Variants in MALRD1 observed in about 807,000 individuals in gnomAD.
The protein encoded by MALRD1 is MAM and LDL-receptor class A domain-containing protein 1.
Under a neutral mutation model 242.1 loss-of-function variants are expected in MALRD1, and 247 were observed. That is an observed-to-expected ratio of 1.02 (90% confidence interval 0.92 to 1.13). The LOEUF (loss-of-function observed/expected upper bound fraction) is 1.13. MALRD1 is among the 50% of genes most tolerant of loss of function. The pLI is 0.00. For synonymous variants in MALRD1, 995 were observed against 866.6 expected, an observed-to-expected ratio of 1.15 and a Z score of -2.60; for missense variants, 2,989 against 2,533.1, an observed-to-expected ratio of 1.18 and a Z score of -3.86.
intron 38 of MALRD1, among the ~76,000 whole-genome samples, chr10:19,713,374 G>A (rs1030326952): frequency 2.0e-5 from 3 of 152,184 alleles, no homozygotes; most frequent in African/African-American, 7.2e-5. Flanking sequence ...GAGTAGCTCT[G>A]TGGTAGGGGA....
At chr10:19,087,387 T>A (rs2358304) in intron 2 of MALRD1, among the ~76,000 whole-genome samples, 38,240 of 151,864 alleles carry the variant, frequency 0.25, 5,584 homozygotes, top group African/African-American at 0.4. Context: ...CATAAGGAAG[T>A]AAAAATATCA....
chr10:19,562,703 A>G (rs902148346), intron 32 of MALRD1, among the ~76,000 whole-genome samples: 3 of 152,130 alleles, frequency 2.0e-5, no homozygotes, highest in Non-Finnish European at 4.4e-5. Flanking sequence ...ACCAGTTTGC[A>G]CAGCAGAAGG....
chr10:19,280,114 C>A lies in MALRD1; in HGVS notation c.3147C>A (p.Asn1049Lys). 1.9e-6 allele frequency: 3 copies of A among 1,545,264 alleles called. No individual in the cohort carries two copies. The highest frequency in any genetic ancestry group is 2.6e-6 in the Non-Finnish European group (3 of 1,145,092). Residue 1049 changes from asparagine to lysine, a missense_variant, in exon 20 of 40, where the codon AAC (asparagine) becomes AAA (lysine). By Grantham distance (94) the Asn-to-Lys change is moderately conservative. Coordinates refer to ENST00000454679, the MANE Select transcript of MALRD1 (RefSeq NM_001142308.3). ...TSVPVTLPPH[N>K]CTDNEFICRS... Reference sequence around the variant, plus strand: ...TTCCTGTAACATTACCTCCACACAACTGCACAGACAATGAATTTATCTGCA... The same window carrying A: ...TTCCTGTAACATTACCTCCACACAAATGCACAGACAATGAATTTATCTGCA...
rs138868970 is a variant in MALRD1, at chr10:19,496,130, C to T, written c.5159-2355C>T. ...CCCAAACAATAATAGTGGAAGACTT[C>T]AACACCCCACTGACAGTATTAGACA... On this transcript the variant is annotated intron_variant, in intron 30 of 39. Transcript: ENST00000454679. 2.4e-3 allele frequency among the ~76,000 whole-genome samples: 360 copies of T among 152,200 alleles called. 6 individuals are homozygous for T. The East Asian group carries it at 0.049, about 21-fold the overall frequency.
intron 38 of MALRD1, among the ~76,000 whole-genome samples, chr10:19,725,225 A>G (rs1834965978): frequency 6.6e-6 from 1 of 152,112 alleles, no homozygotes; most frequent in African/African-American, 2.4e-5. Context: ...AATCCCCACA[A>G]GCCGTGGGAG....
chr10:19,634,093 G>A (rs1378245700), intron 36 of MALRD1, among the ~76,000 whole-genome samples: 1 of 151,780 alleles, frequency 6.6e-6, no homozygotes, highest in African/African-American at 2.4e-5. Flanking sequence ...CTCCCACTTC[G>A]GCCTTCCAAA....
chr10:19,150,615 A>G (rs1300612286), intron 11 of MALRD1, among the ~76,000 whole-genome samples: 1 of 152,206 alleles, frequency 6.6e-6, no homozygotes, highest in Non-Finnish European at 1.5e-5. Context: ...GAATTACAGG[A>G]CTTAACTCAT....
At chr10:19,593,260 C>G (rs976057307) in intron 33 of MALRD1, among the ~76,000 whole-genome samples, 8 of 152,172 alleles carry the variant, frequency 5.3e-5, no homozygotes, top group Non-Finnish European at 7.3e-5. Flanking sequence ...ATACATTTAT[C>G]TCTCTCCTAC....
chr10:19,723,825 G>A (rs80096171), intron 38 of MALRD1, among the ~76,000 whole-genome samples: 4,669 of 152,104 alleles, frequency 0.031, 232 homozygotes, highest in African/African-American at 0.092. Flanking sequence ...ATATGAACAT[G>A]TTGCAAGAGT....
At chr10:19,203,501 T>C (rs1453962641) in intron 14 of MALRD1, among the ~76,000 whole-genome samples, 1 of 152,116 alleles carries the variant, frequency 6.6e-6, no homozygotes, top group Non-Finnish European at 1.5e-5. Flanking sequence ...CGGAAAAAAA[T>C]TGTATTTCTT....
chr10:19,633,483 T>G (rs1207298935), intron 36 of MALRD1, among the ~76,000 whole-genome samples: 1 of 152,102 alleles, frequency 6.6e-6, no homozygotes, highest in Non-Finnish European at 1.5e-5. Flanking sequence ...AGCTGGAACA[T>G]TGGAAACTCC....
At chr10:19,286,062 G>A (rs1841095405) in intron 21 of MALRD1, among the ~76,000 whole-genome samples, 2 of 127,576 alleles carry the variant, frequency 1.6e-5, no homozygotes, top group Non-Finnish European at 3.2e-5. Context: ...TTTGTCTGTT[G>A]TTGGTGTATA....
intron 31 of MALRD1, among the ~76,000 whole-genome samples, chr10:19,504,775 C>T (rs1043477902): frequency 4.0e-5 from 6 of 148,180 alleles, no homozygotes; most frequent in Non-Finnish European, 5.9e-5. Context: ...CTCCGCTTCC[C>T]GGGTTCACGC....
chr10:19,595,557 C>A, intron 34 of MALRD1, 100 bp downstream of exon 34: 1 of 1,287,094 alleles, frequency 7.8e-7, no homozygotes, highest in Non-Finnish European at 1.0e-6. Context: ...AGAGCCTTAC[C>A]GTGATTGTAT....
At chr10:19,662,408 C>G in intron 36 of MALRD1, among the ~76,000 whole-genome samples, 1 of 152,108 alleles carries the variant, frequency 6.6e-6, no homozygotes, top group East Asian at 1.9e-4. Flanking sequence ...AAGCAAAAAG[C>G]AGAAAGATAA....
At chr10:19,233,910 T>G (rs972481610) in intron 18 of MALRD1, among the ~76,000 whole-genome samples, 4 of 152,102 alleles carry the variant, frequency 2.6e-5, no homozygotes, top group African/African-American at 9.7e-5. Flanking sequence ...TCAATTGTTT[T>G]GAGATGCTTT....
At chr10:19,732,387 T>A (rs1002954352) in intron 39 of MALRD1, among the ~76,000 whole-genome samples, 5 of 152,090 alleles carry the variant, frequency 3.3e-5, no homozygotes, top group Admixed American at 2.0e-4. Flanking sequence ...CTCAGCCTCC[T>A]GAGTAGCTGG....
At chr10:19,720,082 G>A (rs1834673043) in intron 38 of MALRD1, among the ~76,000 whole-genome samples, 1 of 152,062 alleles carries the variant, frequency 6.6e-6, no homozygotes, top group South Asian at 2.1e-4. Context: ...GATCTAATGT[G>A]TTACACTGCA....
chr10:19,733,777 T>C (rs930272028), intron 39 of MALRD1, among the ~76,000 whole-genome samples: 1 of 151,274 alleles, frequency 6.6e-6, no homozygotes, highest in African/African-American at 2.4e-5. Context: ...TTTAAACTTA[T>C]ATAAAATGCT....
Sources: gnomAD v4.1 joint callset for allele counts (sites outside exome capture counted in the v4.1 genomes callset) on GRCh38, gnomAD v4.1.1 for gene constraint, MANE v1.5 for transcripts, NCBI Gene and HGNC (gene_info 2026-07-23, HGNC 2026-07-21) for gene names.